Variants in THADA observed in about 807,000 individuals in gnomAD.
The protein encoded by THADA is tRNA (32-2'-O)-methyltransferase regulator THADA.
THADA carries 213 observed loss-of-function variants against 219.8 expected under a neutral mutation model. The ratio of observed to expected loss-of-function variants is 0.97; its 90% CI spans 0.87 to 1.09. The LOEUF is 1.09. THADA is among the 50% of genes least tolerant of loss of function. The probability of loss-of-function intolerance (pLI) is 0.00; values close to 1 mark genes in which losing one functional copy is unlikely to be tolerated. For synonymous variants in THADA, 1,018 were observed against 828.9 expected, an observed-to-expected ratio of 1.23 and a Z score of -3.92; for missense variants, 2,956 against 2,311.3, an observed-to-expected ratio of 1.28 and a Z score of -5.72.
At chr2:43,460,917 G>C (rs942060378) in intron 26 of THADA, among the ~76,000 whole-genome samples, 1 of 152,210 alleles carries the variant, frequency 6.6e-6, no homozygotes, top group African/African-American at 2.4e-5. Flanking sequence ...TGGCATTGCA[G>C]AACAGTTAGG....
intron 36 of THADA, among the ~76,000 whole-genome samples, chr2:43,274,156 A>C (rs543682632): frequency 3.9e-5 from 6 of 152,264 alleles, no homozygotes; most frequent in African/African-American, 1.4e-4. Context: ...TGGTCCCTGC[A>C]GCCCCAGGCT....
In THADA at chr2:43,344,058, C is replaced by G. The variant is rs187003014; in HGVS notation, c.4343+64G>C. 107 of 1,173,156 alleles carry G rather than the reference C, an allele frequency of 9.1e-5. No homozygotes were observed. In the East Asian group the frequency reaches 1.4e-3, roughly 15 times the overall value. The allele number at this position is 1,173,156 out of a possible 1,614,324, so 72.7% of individuals were successfully genotyped here. On this transcript the variant is annotated intron_variant, in intron 30 of 37. Transcript: ENST00000405975. ...TTTTAAAACTCCCCACAACTAGAAA[C>G]AGCAATTCTCAAATGTATTCCTAAC...
chr2:43,422,843 C>T (rs962385919), intron 28 of THADA, among the ~76,000 whole-genome samples: 43 of 152,188 alleles, frequency 2.8e-4, no homozygotes, highest in African/African-American at 9.9e-4. Context: ...CCGCAGCCTC[C>T]CAAGTAGCTG....
intron 3 of THADA, among the ~76,000 whole-genome samples, chr2:43,591,667 T>C (rs1203743902): frequency 6.6e-6 from 1 of 152,222 alleles, no homozygotes; most frequent in Non-Finnish European, 1.5e-5. Context: ...CTAAAAAGTT[T>C]TGAAGATTCA....
intron 30 of THADA, among the ~76,000 whole-genome samples, chr2:43,337,347 T>G (rs7568141): frequency 6.6e-6 from 1 of 152,218 alleles, no homozygotes; most frequent in African/African-American, 2.4e-5. Flanking sequence ...TTAACTAAAA[T>G]GGCTGTGAGG....
intron 26 of THADA, among the ~76,000 whole-genome samples, chr2:43,462,809 G>T (rs1251284788): frequency 6.6e-6 from 1 of 152,048 alleles, no homozygotes; most frequent in Non-Finnish European, 1.5e-5. Flanking sequence ...CATCTTTTTT[G>T]GAAAATTGTC....
chr2:43,304,565 C>G (rs765099167), intron 31 of THADA, among the ~76,000 whole-genome samples: 4 of 152,196 alleles, frequency 2.6e-5, no homozygotes, highest in Non-Finnish European at 5.9e-5. Flanking sequence ...GTGAATTTCT[C>G]CTTTGCAGAC....
chr2:43,339,565 C>G (rs1227138039), intron 30 of THADA, among the ~76,000 whole-genome samples: 1 of 152,188 alleles, frequency 6.6e-6, no homozygotes, highest in Non-Finnish European at 1.5e-5. Flanking sequence ...CAGGCATGAG[C>G]CACCGCACCC....
At chr2:43,501,307 CAAAAAAAAAAAAAAAAAAAAAA>C (rs60448094) in intron 24 of THADA, among the ~76,000 whole-genome samples, 2 of 15,050 alleles carry the variant, frequency 1.3e-4, no homozygotes, top group South Asian at 8.5e-3. Context: ...ACTCCAACTC[CAAAAAAAAAAAAAAAAAAAAAA>C]AAAAAAAAAA....
At position 43,357,424 on chromosome 2, in the gene THADA, C is replaced by T. The variant is rs557606355; in HGVS notation, c.4228-13187G>A. ...CATAACATATTCTACACAAATGGTA[C>T]CCAATGGAGTTGGGCAAAACCACGA... is the stretch of plus-strand genomic sequence containing the variant. On this transcript the variant is annotated intron_variant, in intron 29 of 37. Coordinates refer to ENST00000405975, the MANE Select transcript of THADA (RefSeq NM_022065.5). Among the ~76,000 whole-genome samples the T allele has an allele frequency of 8.5e-5, 13 of 152,164 alleles. No homozygotes were observed. In the South Asian group the frequency reaches 2.5e-3, roughly 29 times the overall value.
intron 36 of THADA, among the ~76,000 whole-genome samples, chr2:43,255,291 G>T (rs1389694843): frequency 2.6e-5 from 4 of 152,204 alleles, no homozygotes; most frequent in African/African-American, 9.7e-5. Context: ...GCTCTGCACA[G>T]TGACTATTAT....
Position 43,426,597 on chromosome 2 carries a change from C to A in THADA, c.4058+1503G>T, listed in dbSNP as rs1423607547. On this transcript the variant is annotated intron_variant, in intron 28 of 37. Coordinates refer to ENST00000405975, the MANE Select transcript of THADA (RefSeq NM_022065.5). ...TATCAGGAAACAAAAACCAGTCTGC[C>A]TGAGTCATCTCTGTGATCAAAGATA... 2.6e-5 allele frequency among the ~76,000 whole-genome samples: 4 copies of A among 152,144 alleles called. No homozygotes were observed. The East Asian group carries it at 7.7e-4, about 29-fold the overall frequency.
chr2:43,394,309 A>G (rs1248546659), intron 29 of THADA, among the ~76,000 whole-genome samples: 2 of 152,204 alleles, frequency 1.3e-5, no homozygotes, highest in Non-Finnish European at 2.9e-5. Context: ...TTTCTTCCAT[A>G]GTCCCAGAAA....
intron 21 of THADA, among the ~76,000 whole-genome samples, chr2:43,537,088 A>C (rs989536886): frequency 4.6e-5 from 7 of 152,218 alleles, no homozygotes; most frequent in Admixed American, 4.6e-4. Flanking sequence ...TTAATGTTTT[A>C]AACTGTACCT....
chr2:43,548,865 G>A (rs541410483), intron 20 of THADA, among the ~76,000 whole-genome samples: 9 of 152,288 alleles, frequency 5.9e-5, no homozygotes, highest in Admixed American at 3.9e-4. Context: ...CGCATGGTGC[G>A]CTGCACCCAC....
At chr2:43,500,613 C>T (rs891841668) in intron 24 of THADA, among the ~76,000 whole-genome samples, 1 of 152,144 alleles carries the variant, frequency 6.6e-6, no homozygotes, top group Non-Finnish European at 1.5e-5. Context: ...AATTCAATTT[C>T]CTTAATAAGA....
At chr2:43,543,274 T>C (rs1465940127) in intron 20 of THADA, among the ~76,000 whole-genome samples, 1 of 132,026 alleles carries the variant, frequency 7.6e-6, no homozygotes, top group South Asian at 2.6e-4. Flanking sequence ...CAGTCTATCA[T>C]TGTTGGACAT....
In THADA at chr2:43,508,736, C is replaced by T. The variant is rs1180601043; in HGVS notation, c.3419G>A (p.Trp1140Ter). ...GCATTTAATTTCCTCTAAAACACTC[C>T]ATAGCCACTGTTCTGGCAGCTTTTG... ...SLQKLPEQWL[W>*]SVLEEIKCSD... The change falls in exon 23 of 38, where the codon TGG (tryptophan) becomes TAG (stop). Residue 1140 changes from tryptophan to a stop codon, truncating the protein, a stop_gained. Coordinates refer to ENST00000405975, the MANE Select transcript of THADA (RefSeq NM_022065.5). LOFTEE classifies it high-confidence loss of function. The T allele has an allele frequency of 6.2e-7, 1 of 1,613,578 alleles. No homozygotes were observed. The highest frequency in any genetic ancestry group is 8.5e-7 in the Non-Finnish European group (1 of 1,179,716).
intron 25 of THADA, among the ~76,000 whole-genome samples, chr2:43,496,454 G>A (rs772285920): frequency 1.3e-5 from 2 of 152,114 alleles, no homozygotes; most frequent in Admixed American, 6.6e-5. Flanking sequence ...AATGTTTTGC[G>A]AGTGTCTCGT....
Sources: allele counts gnomAD v4.1 joint callset (sites outside exome capture counted in the v4.1 genomes callset), GRCh38; gene constraint gnomAD v4.1.1; transcripts MANE v1.5; gene names NCBI Gene and HGNC (gene_info 2026-07-23, HGNC 2026-07-21).